TRIM5: variants seen among roughly 807,000 people sequenced by gnomAD.
TRIM5 encodes tripartite motif-containing protein 5.
TRIM5 carries 31 observed loss-of-function variants against 35.6 expected under a neutral mutation model. That is an observed-to-expected ratio of 0.87 (90% CI 0.65 to 1.18). The LOEUF is 1.18. Ranked by LOEUF, TRIM5 falls within the 50% of genes most tolerant of loss-of-function variation. The probability of loss-of-function intolerance (pLI) is 0.00; values close to 1 mark genes in which losing one functional copy is unlikely to be tolerated. For synonymous variants in TRIM5, 243 were observed against 215.6 expected (o/e 1.13, Z -1.11); for missense variants, 609 against 591.6 (o/e 1.03, Z -0.31).
chr11:5,657,714 AT>A, the TRIM5 span, among the ~76,000 whole-genome samples: 1 of 131,176 alleles, frequency 7.6e-6, no homozygotes, highest in East Asian at 2.0e-4. Flanking sequence ...ATAAATATAT[AT>A]ATATATTATA....
In TRIM5 at chr11:5,665,041, G is replaced by A. The variant is rs751989109; in HGVS notation, c.1250C>T (p.Ser417Phe). 1.2e-6 allele frequency: 2 copies of A among 1,614,028 alleles called. No homozygotes were observed. Among genetic ancestry groups the A allele is most frequent in the East Asian group, 2.2e-5 (1 of 44,872 alleles). Reference protein sequence around the residue: ...GVKCSAFQDSSFHTPSVPFIV... With the variant: ...GVKCSAFQDSFFHTPSVPFIV... ...GAAAGGAACAGAAGGAGTATGGAAG[G>A]AACTATCCTGGAAAGCACTACATTT... The change falls in exon 8 of 8, where the codon TCC (serine) becomes TTC (phenylalanine). Residue 417 changes from serine (S) to phenylalanine (F), a missense_variant. By Grantham distance (155) the Ser-to-Phe change is radical (BLOSUM62 -2). Transcript: ENST00000380034.
chr11:5,650,668 A>C, the TRIM5 span, among the ~76,000 whole-genome samples: 1 of 152,090 alleles, frequency 6.6e-6, no homozygotes, highest in Non-Finnish European at 1.5e-5. Context: ...TGTAGATAAC[A>C]CTTCCGTTTT....
chr11:5,675,697 GT>G lies in TRIM5; in HGVS notation c.744+2506del, dbSNP rs1158546706. Among the ~76,000 whole-genome samples, 536 of 140,884 alleles carry G rather than the reference GT, an allele frequency of 3.8e-3. 3 individuals are homozygous for G. The highest frequency in any genetic ancestry group is 0.014 in the African/African-American group (502 of 37,022). 92.4% of individuals were successfully genotyped at this position (140,884 alleles called of 152,430 possible). On this transcript the variant is annotated intron_variant, in intron 4 of 7. Transcript: ENST00000380034. ...TTTTTTCTTCTGTTGTGTTTTTTTT[GT>G]TTTTGTTTTTGTTTTATTATACTTT...
the TRIM5 span, among the ~76,000 whole-genome samples, chr11:5,604,114 C>T: frequency 6.6e-6 from 1 of 152,126 alleles, no homozygotes; most frequent in Non-Finnish European, 1.5e-5. Context: ...TCGTGCCTGG[C>T]CTCCCAAGTA....
intron 7 of TRIM5, 91 bp downstream of exon 7, chr11:5,665,565 G>A (rs763797538): frequency 6.3e-6 from 10 of 1,580,718 alleles, no homozygotes; most frequent in African/African-American, 4.1e-5. Flanking sequence ...CTTAAAACAT[G>A]AGCCTAATAG....
the TRIM5 span, among the ~76,000 whole-genome samples, chr11:5,629,944 G>A: frequency 2.6e-5 from 4 of 152,140 alleles, no homozygotes; most frequent in East Asian, 7.7e-4. Flanking sequence ...CTTACCTCGT[G>A]ATCCGCCTGC....
chr11:5,608,386 C>T, the TRIM5 span: 6 of 1,613,530 alleles, frequency 3.7e-6, no homozygotes, highest in Admixed American at 1.0e-4. Context: ...TGAGTGATGT[C>T]ACAGAAAGGT....
the TRIM5 span, among the ~76,000 whole-genome samples, chr11:5,648,638 C>T: frequency 6.6e-6 from 1 of 152,148 alleles, no homozygotes. Flanking sequence ...AAAAAATAAG[C>T]ATAAGACCCA....
the TRIM5 span, among the ~76,000 whole-genome samples, chr11:5,618,360 A>T: frequency 6.6e-6 from 1 of 152,244 alleles, no homozygotes; most frequent in South Asian, 2.1e-4. Context: ...ACAGAGTGAG[A>T]CTCCATCTCA....
Position 5,664,261 on chromosome 11 carries a change from T to C in TRIM5, c.*548A>G. Reference sequence around the variant, plus strand: ...AAATAAGCACAGCCATTTAAGTATGTTATTCACAGTTACACTGCTGGTATA... The same window carrying C: ...AAATAAGCACAGCCATTTAAGTATGCTATTCACAGTTACACTGCTGGTATA... On this transcript the variant is annotated 3_prime_UTR_variant, in exon 8 of 8. Transcript: ENST00000380034. The C allele has an allele frequency of 1.0e-6, 1 of 985,156 alleles. No individual in the cohort carries two copies. Among genetic ancestry groups the C allele is most frequent in the Non-Finnish European group, 1.2e-6 (1 of 829,920 alleles). The allele number at this position is 985,156 out of a possible 1,614,324, so 61.0% of individuals were successfully genotyped here.
rs186492633 is a variant in TRIM5, at chr11:5,675,184, A to G, written c.744+3020T>C. Among the ~76,000 whole-genome samples, 861 of 149,430 alleles carry G rather than the reference A, an allele frequency of 5.8e-3. 6 individuals carry two copies. Among genetic ancestry groups the G allele is most frequent in the African/African-American group, 0.021 (836 of 40,022 alleles). On this transcript the variant is annotated intron_variant, in intron 4 of 7. Coordinates refer to ENST00000380034, the MANE Select transcript of TRIM5 (RefSeq NM_033034.3). ...GCTGGGATTACAGGTGCCCGCCACCACGCCTGGCTAATTTTTTGTATTATT... is the reference window on the plus strand; with the variant it reads ...GCTGGGATTACAGGTGCCCGCCACCGCGCCTGGCTAATTTTTTGTATTATT...
the TRIM5 span, among the ~76,000 whole-genome samples, chr11:5,607,094 C>T: frequency 6.6e-6 from 1 of 152,154 alleles, no homozygotes; most frequent in East Asian, 1.9e-4. Flanking sequence ...GTCCCAGCTA[C>T]TCGGGAGGCT....
At chr11:5,641,234 G>T in the TRIM5 span, 4 of 1,613,368 alleles carry the variant, frequency 2.5e-6, no homozygotes, top group Non-Finnish European at 3.4e-6. Context: ...TTATAAAGAA[G>T]TGTTTGTAGC....
chr11:5,605,125 A>G, the TRIM5 span: 9 of 633,018 alleles, frequency 1.4e-5, no homozygotes, highest in Non-Finnish European at 2.1e-5. Context: ...TGGCCTAGAT[A>G]AAGCAGCCCG....
chr11:5,610,710 C>T, the TRIM5 span: 1 of 1,581,104 alleles, frequency 6.3e-7, no homozygotes, highest in East Asian at 2.2e-5. Flanking sequence ...TCCTGTGTTT[C>T]CTCTTCTCAG....
the TRIM5 span, chr11:5,634,752 A>G: frequency 1.1e-5 from 18 of 1,614,140 alleles, no homozygotes; most frequent in East Asian, 1.8e-4. Context: ...AAGACGCTGG[A>G]TAAGTTTGCA....
At chr11:5,624,149 G>A in the TRIM5 span, among the ~76,000 whole-genome samples, 2 of 152,144 alleles carry the variant, frequency 1.3e-5, no homozygotes, top group Non-Finnish European at 2.9e-5. Context: ...TCTGTCCAGG[G>A]CACAAAACTC....
chr11:5,622,717 A>G, the TRIM5 span, among the ~76,000 whole-genome samples: 1 of 152,246 alleles, frequency 6.6e-6, no homozygotes. Context: ...CTGATGGGCT[A>G]AGGTAATATA....
chr11:5,621,102 G>A, the TRIM5 span, among the ~76,000 whole-genome samples: 303 of 152,302 alleles, frequency 2.0e-3, 1 homozygote, highest in African/African-American at 6.9e-3. Flanking sequence ...CATAGCAACT[G>A]GAGGAAATTC....
Sources: allele counts gnomAD v4.1 joint callset (sites outside exome capture counted in the v4.1 genomes callset), GRCh38; gene constraint gnomAD v4.1.1; transcripts MANE v1.5; gene names NCBI Gene and HGNC (gene_info 2026-07-23, HGNC 2026-07-21).